CSTF3: variants seen among roughly 807,000 people sequenced by gnomAD.
CSTF3 encodes cleavage stimulation factor subunit 3, also known as CF-1 77 kDa subunit.
In CSTF3, 29 loss-of-function variants were observed where a neutral mutation model predicts 105.8. That is an observed-to-expected ratio of 0.27 (90% CI 0.20 to 0.37). CSTF3 has a LOEUF of 0.37. CSTF3 is among the 10% of genes least tolerant of loss of function. The pLI, the probability that CSTF3 is intolerant of heterozygous loss-of-function variation, is 1.00. For synonymous variants in CSTF3, 252 were observed against 281.9 expected, an observed-to-expected ratio of 0.89 and a Z score of 1.06; for missense variants, 357 against 879.3, an observed-to-expected ratio of 0.41 and a Z score of 7.51.
At chr11:33,101,795 G>GC (rs1033486892) in intron 10 of CSTF3, among the ~76,000 whole-genome samples, 1 of 152,096 alleles carries the variant, frequency 6.6e-6, no homozygotes, top group African/African-American at 2.4e-5. Flanking sequence ...GTTGGAATTG[G>GC]CAGATGAGGA....
intron 4 of CSTF3, among the ~76,000 whole-genome samples, 188 bp downstream of exon 4, chr11:33,108,198 T>G (rs1238635478): frequency 6.6e-6 from 1 of 152,180 alleles, no homozygotes; most frequent in East Asian, 1.9e-4. Flanking sequence ...ATAATTATTT[T>G]CTTTTCCTTT....
intron 15 of CSTF3, among the ~76,000 whole-genome samples, chr11:33,094,591 TA>T (rs950979672): frequency 5.3e-5 from 8 of 151,614 alleles, no homozygotes; most frequent in African/African-American, 9.7e-5. Context: ...GTAACTATTT[TA>T]AAAAAAAATT....
At chr11:33,134,106 T>C (rs566507552) in intron 3 of CSTF3, among the ~76,000 whole-genome samples, 2 of 152,350 alleles carry the variant, frequency 1.3e-5, no homozygotes, top group Admixed American at 6.5e-5. Context: ...GTAAAGCACT[T>C]ATGTCAAGAT....
rs888101562 is a variant in CSTF3 at position 33,115,531 on chromosome 11, T to C, written c.226-7113A>G. ...TTTTAAGGTAAAGAAATCAGGAAAGTAGTGTCTGCAAATAAATTCATTTTT... is the reference window on the plus strand; with the variant it reads ...TTTTAAGGTAAAGAAATCAGGAAAGCAGTGTCTGCAAATAAATTCATTTTT... On this transcript the variant is annotated intron_variant, in intron 3 of 20. Transcript: ENST00000323959. Among the ~76,000 whole-genome samples the C allele has an allele frequency of 5.8e-4, 89 of 152,302 alleles. 1 individual carries two copies. Among genetic ancestry groups the C allele is most frequent in the Non-Finnish European group, 1.1e-3 (77 of 68,020 alleles).
intron 17 of CSTF3, among the ~76,000 whole-genome samples, chr11:33,089,720 A>G (rs1234449528): frequency 1.3e-5 from 2 of 152,234 alleles, no homozygotes; most frequent in African/African-American, 2.4e-5. Context: ...AGACAGAGCA[A>G]GACCCAGGCT....
intron 1 of CSTF3, among the ~76,000 whole-genome samples, chr11:33,145,569 T>C (rs928187200): frequency 1.3e-5 from 2 of 152,200 alleles, no homozygotes; most frequent in Non-Finnish European, 1.5e-5. Flanking sequence ...TCCCAGCACT[T>C]TGGGAGGCCA....
intron 1 of CSTF3, among the ~76,000 whole-genome samples, chr11:33,148,970 G>A (rs1312428460): frequency 2.0e-5 from 3 of 151,514 alleles, no homozygotes; most frequent in Non-Finnish European, 2.9e-5. Context: ...GGGACTACAG[G>A]CGTGTACCAC....
chr11:33,096,311 A>C lies in CSTF3; in HGVS notation c.1370T>G (p.Leu457Arg), dbSNP rs1855222805. ...VLAYIDYLSHLNEDNNTRVLF... is the reference protein window; with the variant it reads ...VLAYIDYLSHRNEDNNTRVLF... ...AGATTCTAGAATCAACCTACCATTG[A>C]GGTGAGAAAGATAGTCAATATAGGC... is the stretch of plus-strand genomic sequence containing the variant. Residue 457 changes from leucine to arginine, a missense_variant, in exon 15 of 21, where the codon CTC becomes CGC. Leu to Arg is a moderately radical substitution (Grantham distance 102, BLOSUM62 -2). This residue lies in a region of CSTF3 where 206 missense variants were observed against 576.5 expected (regional missense o/e 0.36). Transcript: ENST00000323959. 6.5e-7 allele frequency: 1 copy of C among 1,547,616 alleles called. No individual in the cohort carries two copies.
intron 10 of CSTF3, 30 bp downstream of exon 10, chr11:33,102,147 C>T: frequency 6.2e-7 from 1 of 1,603,260 alleles, no homozygotes; most frequent in South Asian, 1.1e-5. Flanking sequence ...ATACATGTAA[C>T]TGAAGTCCCA....
chr11:33,143,650 T>C (rs185726131), intron 1 of CSTF3, among the ~76,000 whole-genome samples: 59 of 152,182 alleles, frequency 3.9e-4, no homozygotes, highest in Non-Finnish European at 5.9e-4. Flanking sequence ...CCTGGAAGGC[T>C]GAGGCACAAG....
chr11:33,108,376 G>C lies in CSTF3; in HGVS notation c.258+10C>G. On this transcript the variant is annotated intron_variant, in intron 4 of 20. Coordinates refer to ENST00000323959, the MANE Select transcript of CSTF3 (RefSeq NM_001326.3). ...CTTCAATATAAAATTCAAAGTATTT[G>C]AGGACTCACCTTTTCAACCTTGTCA... 6.7e-7 allele frequency: 1 copy of C among 1,485,552 alleles called. No homozygotes were observed. The highest frequency in any genetic ancestry group is 1.4e-5 in the African/African-American group (1 of 70,038). 92.0% of individuals were successfully genotyped at this position (1,485,552 alleles called of 1,614,324 possible).
At chr11:33,159,644 G>A (rs1195418136) in intron 1 of CSTF3, among the ~76,000 whole-genome samples, 3 of 149,916 alleles carry the variant, frequency 2.0e-5, no homozygotes, top group East Asian at 2.0e-4. Flanking sequence ...ATGGTGGCGC[G>A]CGCCTGTACT....
In CSTF3 at chr11:33,089,473, C is replaced by CA. The variant is rs1211391489; in HGVS notation, c.1641+1058dup. 2.0e-5 allele frequency among the ~76,000 whole-genome samples: 3 copies of CA among 152,048 alleles called. No individual in the cohort carries two copies. In the South Asian group the frequency reaches 6.2e-4, roughly 32 times the overall value. On this transcript the variant is annotated intron_variant, in intron 17 of 20. Transcript: ENST00000323959. Reference sequence around the variant, plus strand: ...CGCTGTGTATCATTTAGCTTAAAGTCAAAGTTTCTAAGAACCTATCAATGA... The same window carrying CA: ...CGCTGTGTATCATTTAGCTTAAAGTCAAAAGTTTCTAAGAACCTATCAATGA...
intron 3 of CSTF3, among the ~76,000 whole-genome samples, chr11:33,116,295 TAA>T (rs1243435036): frequency 6.6e-6 from 1 of 152,164 alleles, no homozygotes; most frequent in Non-Finnish European, 1.5e-5. Flanking sequence ...CCTGAACTAT[TAA>T]AGAGTTTATG....
intron 3 of CSTF3, chr11:33,141,000 G>C (rs1167763017): frequency 6.6e-6 from 1 of 151,810 alleles, no homozygotes; most frequent in Non-Finnish European, 1.5e-5. Flanking sequence ...CATGAATGGG[G>C]TCCTTACTCT....
chr11:33,145,615 C>T (rs909742440), intron 1 of CSTF3, among the ~76,000 whole-genome samples: 2 of 151,952 alleles, frequency 1.3e-5, no homozygotes, highest in African/African-American at 4.8e-5. Context: ...GAACAGAAAC[C>T]ATCCTGGCTA....
chr11:33,108,646 T>C (rs1176629707), intron 3 of CSTF3, among the ~76,000 whole-genome samples: 1 of 152,164 alleles, frequency 6.6e-6, no homozygotes, highest in African/African-American at 2.4e-5. Flanking sequence ...TACATATAAA[T>C]TTTGTGAATT....
At chr11:33,146,321 C>CT (rs1409715568) in intron 1 of CSTF3, among the ~76,000 whole-genome samples, 1 of 152,094 alleles carries the variant, frequency 6.6e-6, no homozygotes, top group Non-Finnish European at 1.5e-5. Context: ...TAACACCCTA[C>CT]TGCACATGTA....
At chr11:33,117,306 T>C (rs546624517) in intron 3 of CSTF3, among the ~76,000 whole-genome samples, 4 of 151,880 alleles carry the variant, frequency 2.6e-5, no homozygotes, top group African/African-American at 9.6e-5. Flanking sequence ...AGATGAACAT[T>C]ATAAGAAAAA....
Sources: gnomAD v4.1 joint callset for allele counts (sites outside exome capture counted in the v4.1 genomes callset) on GRCh38, gnomAD v4.1.1 for gene constraint, gnomAD v4.1.1 regional missense constraint, MANE v1.5 for transcripts, NCBI Gene and HGNC (gene_info 2026-07-23, HGNC 2026-07-21) for gene names.